Variants in CSMD1 observed in about 807,000 individuals in gnomAD.
CSMD1 encodes CUB and sushi domain-containing protein 1.
In CSMD1, 213 loss-of-function variants were observed where a neutral mutation model predicts 417.5. The ratio of observed to expected loss-of-function variants is 0.51; its 90% CI spans 0.46 to 0.57. The LOEUF is 0.57. Ranked by LOEUF, CSMD1 falls within the 20% of genes least tolerant of loss-of-function variation. The pLI is 0.00. For missense variants in CSMD1, 6,923 were observed against 4,529.7 expected (o/e 1.53, Z -15.17); for synonymous variants, 2,862 against 1,736.8 (o/e 1.65, Z -16.11).
intron 21 of CSMD1, among the ~76,000 whole-genome samples, chr8:3,350,132 T>A (rs1361670668): frequency 2.9e-5 from 3 of 101,994 alleles, no homozygotes; most frequent in Non-Finnish European, 6.0e-5. Context: ...ACAATACCTA[T>A]AATAACCTAT....
intron 11 of CSMD1, among the ~76,000 whole-genome samples, chr8:3,478,774 G>T (rs569199702): frequency 1.3e-5 from 2 of 152,280 alleles, no homozygotes; most frequent in African/African-American, 4.8e-5. Context: ...AAGTCTTCAT[G>T]TTCCTTGTGG....
chr8:4,305,201 C>G (rs1193303733), intron 3 of CSMD1, among the ~76,000 whole-genome samples: 9 of 152,174 alleles, frequency 5.9e-5, no homozygotes, highest in Admixed American at 5.2e-4. Flanking sequence ...CACAAACACA[C>G]TCCCCAACAG....
intron 5 of CSMD1, among the ~76,000 whole-genome samples, chr8:3,958,767 T>G (rs1236207017): frequency 1.3e-5 from 2 of 152,166 alleles, no homozygotes; most frequent in Non-Finnish European, 2.9e-5. Flanking sequence ...CACCCTTCTG[T>G]CCAGTTCAAA....
chr8:3,198,055 A>C (rs1796797452), intron 33 of CSMD1, among the ~76,000 whole-genome samples: 2 of 152,300 alleles, frequency 1.3e-5, no homozygotes, highest in Non-Finnish European at 2.9e-5. Context: ...AATTTCCTCT[A>C]TAAATGATGT....
chr8:4,319,410 AG>A (rs1799130470), intron 3 of CSMD1, among the ~76,000 whole-genome samples: 1 of 152,148 alleles, frequency 6.6e-6, no homozygotes, highest in Non-Finnish European at 1.5e-5. Context: ...TCGATACGTG[AG>A]CCCTAACCAA....
At chr8:3,256,378 A>G (rs1046887271) in intron 26 of CSMD1, among the ~76,000 whole-genome samples, 1 of 152,146 alleles carries the variant, frequency 6.6e-6, no homozygotes, top group East Asian at 1.9e-4. Flanking sequence ...TGTTGTAACA[A>G]TGGCAGTAGG....
chr8:4,497,372 A>T (rs1232631506), intron 2 of CSMD1, among the ~76,000 whole-genome samples: 1 of 152,274 alleles, frequency 6.6e-6, no homozygotes, highest in Admixed American at 6.5e-5. Context: ...CTACAAAAAA[A>T]TCAAGTTCTT....
At chr8:3,993,046 G>A (rs572459249) in intron 5 of CSMD1, among the ~76,000 whole-genome samples, 8 of 152,220 alleles carry the variant, frequency 5.3e-5, no homozygotes, top group African/African-American at 7.2e-5. Flanking sequence ...CCCTGGACCA[G>A]AAAAGACATC....
At chr8:3,040,568 G>A (rs1246549725) in intron 50 of CSMD1, among the ~76,000 whole-genome samples, 3 of 151,868 alleles carry the variant, frequency 2.0e-5, no homozygotes, top group Non-Finnish European at 4.4e-5. Context: ...ACTTTGGGAG[G>A]ACGAGGCAGG....
intron 3 of CSMD1, among the ~76,000 whole-genome samples, chr8:4,205,587 G>C (rs142726210): frequency 1.3e-5 from 2 of 152,284 alleles, no homozygotes; most frequent in African/African-American, 4.8e-5. Flanking sequence ...TATAAATGAT[G>C]GGGTAGGATG....
intron 1 of CSMD1, among the ~76,000 whole-genome samples, chr8:4,899,114 T>C (rs1283212464): frequency 1.3e-5 from 2 of 152,222 alleles, no homozygotes; most frequent in Non-Finnish European, 2.9e-5. Context: ...TCTGAAATGG[T>C]AATTTGGTTA....
At chr8:3,105,875 C>T (rs918196205) in intron 46 of CSMD1, among the ~76,000 whole-genome samples, 1 of 152,112 alleles carries the variant, frequency 6.6e-6, no homozygotes, top group Non-Finnish European at 1.5e-5. Context: ...GTTTTCATAG[C>T]GGAAGCTAGG....
chr8:3,260,368 C>T (rs1480661217), intron 26 of CSMD1, among the ~76,000 whole-genome samples: 1 of 151,990 alleles, frequency 6.6e-6, no homozygotes, highest in Non-Finnish European at 1.5e-5. Context: ...TGTCGGGTGC[C>T]TCCGTGTTTC....
intron 68 of CSMD1, among the ~76,000 whole-genome samples, chr8:2,943,629 T>C (rs1802035199): frequency 6.6e-6 from 1 of 152,252 alleles, no homozygotes; most frequent in Non-Finnish European, 1.5e-5. Context: ...TCTCATGGCA[T>C]GGCACTGAGA....
At chr8:3,226,946 A>T (rs1011590184) in intron 27 of CSMD1, among the ~76,000 whole-genome samples, 1 of 152,064 alleles carries the variant, frequency 6.6e-6, no homozygotes, top group East Asian at 1.9e-4. Flanking sequence ...GAAAAAAAAA[A>T]GTTCGACCTT....
At chr8:4,538,191 A>AT (rs5889045) in intron 2 of CSMD1, among the ~76,000 whole-genome samples, 42,573 of 144,782 alleles carry the variant, frequency 0.29, 6,873 homozygotes, top group African/African-American at 0.45. Context: ...AGGTGGCTAC[A>AT]TTTTTTTTTT....
intron 1 of CSMD1, among the ~76,000 whole-genome samples, chr8:4,752,657 C>T (rs1322474634): frequency 6.6e-6 from 1 of 152,070 alleles, no homozygotes; most frequent in Non-Finnish European, 1.5e-5. Context: ...ATTTTCTCTC[C>T]AGCAGATAAA....
chr8:3,678,765 A>C (rs1221659808), intron 7 of CSMD1, among the ~76,000 whole-genome samples: 2 of 152,170 alleles, frequency 1.3e-5, no homozygotes, highest in Non-Finnish European at 2.9e-5. Flanking sequence ...ATGAAGGAAA[A>C]AATGTTAAGT....
chr8:4,581,044 G>C (rs191595008), intron 2 of CSMD1, among the ~76,000 whole-genome samples: 2 of 152,292 alleles, frequency 1.3e-5, no homozygotes, highest in African/African-American at 4.8e-5. Context: ...AATCCATGGA[G>C]CAAAGACTGC....
Sources: gnomAD v4.1 joint callset for allele counts (sites outside exome capture counted in the v4.1 genomes callset) on GRCh38, gnomAD v4.1.1 for gene constraint, MANE v1.5 for transcripts, NCBI Gene and HGNC (gene_info 2026-07-23, HGNC 2026-07-21) for gene names.